The following PRPSAP2 variants were observed in gnomAD, a reference collection of about 807,000 sequenced individuals.
PRPSAP2 encodes phosphoribosyl pyrophosphate synthetase associated protein 2.
In PRPSAP2, 24 loss-of-function variants were observed where a neutral mutation model predicts 40.6. That is an observed-to-expected ratio of 0.59 (90% CI 0.43 to 0.83). The LOEUF (loss-of-function observed/expected upper bound fraction) is 0.83. PRPSAP2 is among the 40% of genes least tolerant of loss of function. PRPSAP2 has a pLI of 0.00. For synonymous variants in PRPSAP2, 149 were observed against 164.7 expected (o/e 0.90, Z 0.73); for missense variants, 292 against 465.6 (o/e 0.63, Z 3.43).
chr17:18,869,441 G>A (rs1021573293), intron 4 of PRPSAP2, among the ~76,000 whole-genome samples: 1 of 150,232 alleles, frequency 6.7e-6, no homozygotes, highest in Admixed American at 6.7e-5. Flanking sequence ...GGGCTCATGT[G>A]CTTCTCCCAC....
At chr17:18,874,413 G>C (rs1199991689) in intron 5 of PRPSAP2, among the ~76,000 whole-genome samples, 1 of 152,218 alleles carries the variant, frequency 6.6e-6, no homozygotes, top group Non-Finnish European at 1.5e-5. Context: ...AAGGGAAAAA[G>C]AAGGCCATTT....
In PRPSAP2 at chr17:18,877,642, A is replaced by G; in HGVS notation, c.240-56A>G. 5 of 1,493,684 alleles carry G rather than the reference A, an allele frequency of 3.3e-6. No homozygotes were observed. In the South Asian group the frequency reaches 6.5e-5, roughly 20 times the overall value. The allele number at this position is 1,493,684 out of a possible 1,614,324, so 92.5% of individuals were successfully genotyped here. A position where few individuals can be genotyped will look rare whatever the true frequency, so the allele number is the denominator to read the frequency against. On this transcript the variant is annotated intron_variant, in intron 5 of 11. Coordinates refer to ENST00000268835, the MANE Select transcript of PRPSAP2 (RefSeq NM_002767.4). ...TAACACACTGCTGACACTTTTTGGA[A>G]CAGGGAATACTGTGTTGTAGATCCC...
intron 9 of PRPSAP2, among the ~76,000 whole-genome samples, chr17:18,915,914 G>T (rs964865178): frequency 1.3e-5 from 2 of 151,824 alleles, no homozygotes; most frequent in Non-Finnish European, 2.9e-5. Context: ...CCACCTCCTG[G>T]GTTCAAGCAG....
intron 9 of PRPSAP2, among the ~76,000 whole-genome samples, chr17:18,913,923 C>T (rs2041130799): frequency 6.6e-6 from 1 of 151,606 alleles, no homozygotes; most frequent in Non-Finnish European, 1.5e-5. Flanking sequence ...CACCTATAAT[C>T]CCAGCACTTT....
intron 6 of PRPSAP2, among the ~76,000 whole-genome samples, chr17:18,880,488 C>G (rs899664883): frequency 1.3e-5 from 2 of 151,854 alleles, no homozygotes; most frequent in African/African-American, 2.4e-5. Flanking sequence ...CAGGAGGTAG[C>G]CTTGACCTCC....
chr17:18,913,770 ACTC>A (rs576448301), intron 9 of PRPSAP2, among the ~76,000 whole-genome samples: 2 of 149,806 alleles, frequency 1.3e-5, no homozygotes, highest in African/African-American at 4.9e-5. Flanking sequence ...CTGGTCTTGA[ACTC>A]CTGAGCTCAA....
At chr17:18,918,596 C>A (rs1313977332) in intron 9 of PRPSAP2, among the ~76,000 whole-genome samples, 7 of 152,196 alleles carry the variant, frequency 4.6e-5, no homozygotes, top group Non-Finnish European at 1.5e-5. Context: ...TCGATCCGGG[C>A]CATTTAGTGT....
chr17:18,930,138 C>T (rs924310861), intron 11 of PRPSAP2, among the ~76,000 whole-genome samples: 1 of 152,066 alleles, frequency 6.6e-6, no homozygotes, highest in Non-Finnish European at 1.5e-5. Context: ...TTTGGGAGGC[C>T]GAGGCCGGTG....
chr17:18,897,453 G>GTGTTGTTGTTGTTGTTGTTGTTGTTGT (rs11271940), intron 8 of PRPSAP2, among the ~76,000 whole-genome samples: 10 of 150,484 alleles, frequency 6.6e-5, no homozygotes, highest in African/African-American at 2.5e-4. Flanking sequence ...CTCTATAGTG[G>GTGTTGTTGTTGTTGTTGTTGTTGTTGT]TGTTGTTGTT....
In PRPSAP2 at chr17:18,867,685, AGGAT is replaced by A. The variant is rs2037531679; in HGVS notation, c.172+353_172+356del. Among the ~76,000 whole-genome samples the A allele has an allele frequency of 2.6e-5, 4 of 152,348 alleles. No homozygotes were observed. In the South Asian group the frequency reaches 8.3e-4, roughly 32 times the overall value. On this transcript the variant is annotated intron_variant, in intron 4 of 11. Transcript: ENST00000268835. ...ATGAGTAAATCCTGTCACCTTAGAC[AGGAT>A]GACTAAATCCTGTGTGACCGCAGTT... is the stretch of plus-strand genomic sequence containing the variant.
At chr17:18,871,177 G>A (rs2037835312) in intron 4 of PRPSAP2, among the ~76,000 whole-genome samples, 1 of 151,996 alleles carries the variant, frequency 6.6e-6, no homozygotes, top group Non-Finnish European at 1.5e-5. Context: ...GTGCCACCAA[G>A]CCCAGCTAAT....
intron 9 of PRPSAP2, among the ~76,000 whole-genome samples, chr17:18,917,996 A>C (rs566720334): frequency 6.6e-6 from 1 of 152,066 alleles, no homozygotes; most frequent in South Asian, 2.1e-4. Context: ...GCTCAAAATA[A>C]TTTTTAGGTC....
In PRPSAP2 at chr17:18,923,052, G is replaced by T. The variant is rs191174614; in HGVS notation, c.734-862G>T. 1.3e-3 allele frequency among the ~76,000 whole-genome samples: 192 copies of T among 150,054 alleles called. 1 individual carries two copies. Among genetic ancestry groups the T allele is most frequent in the African/African-American group, 3.7e-3 (153 of 41,018 alleles). On this transcript the variant is annotated intron_variant, in intron 9 of 11. Coordinates refer to ENST00000268835, the MANE Select transcript of PRPSAP2 (RefSeq NM_002767.4). ...AAATATTTTCTGCCATTCTGTAGGGGTTTTTTTTACTTTTTTATTTTTATC... is the reference window on the plus strand; with the variant it reads ...AAATATTTTCTGCCATTCTGTAGGGTTTTTTTTTACTTTTTTATTTTTATC...
At chr17:18,908,773 G>A (rs2040763874) in intron 8 of PRPSAP2, 3 of 705,636 alleles carry the variant, frequency 4.3e-6, no homozygotes, top group East Asian at 2.6e-5. Context: ...AAAGGATCGG[G>A]CAAAAACGAT....
At position 18,877,681 on chromosome 17, in the gene PRPSAP2, C is replaced by T; in HGVS notation, c.240-17C>T. 6.3e-7 allele frequency: 1 copy of T among 1,593,542 alleles called. No homozygotes were observed. Among genetic ancestry groups the T allele is most frequent in the Non-Finnish European group, 8.5e-7 (1 of 1,171,410 alleles). On this transcript the variant is annotated splice_polypyrimidine_tract_variant and intron_variant, in intron 5 of 11. Transcript: ENST00000268835. ...GTTGTAGATCCCTTGATGAGATTTG[C>T]TGTGTCTTTGTTACAGGGACGTGAA...
upstream of PRPSAP2, among the ~76,000 whole-genome samples, chr17:18,857,341 AAAAAC>A (rs1165786408): frequency 6.6e-6 from 1 of 151,392 alleles, no homozygotes; most frequent in Non-Finnish European, 1.5e-5. Flanking sequence ...TCTCAAAACA[AAAAAC>A]TAACAAACGA....
At chr17:18,898,031 GCT>G (rs1208769866) in intron 8 of PRPSAP2, among the ~76,000 whole-genome samples, 2 of 126,926 alleles carry the variant, frequency 1.6e-5, no homozygotes, top group Non-Finnish European at 3.1e-5. Flanking sequence ...GCAGTGTCTC[GCT>G]CTGTCACCAG....
intron 7 of PRPSAP2, among the ~76,000 whole-genome samples, chr17:18,884,847 C>A (rs1280489145): frequency 6.6e-6 from 1 of 152,138 alleles, no homozygotes; most frequent in Non-Finnish European, 1.5e-5. Context: ...GGGTTGCTGT[C>A]GACATCTTGT....
intron 10 of PRPSAP2, among the ~76,000 whole-genome samples, chr17:18,926,321 C>T (rs1359789973): frequency 6.6e-6 from 1 of 151,016 alleles, no homozygotes; most frequent in Non-Finnish European, 1.5e-5. Context: ...GGCTGGAGTG[C>T]AGTGGCGTGA....
Sources: gnomAD v4.1 joint callset for allele counts (sites outside exome capture counted in the v4.1 genomes callset) on GRCh38, gnomAD v4.1.1 for gene constraint, MANE v1.5 for transcripts, NCBI Gene and HGNC (gene_info 2026-07-23, HGNC 2026-07-21) for gene names.